MYCBP2: variants seen among roughly 807,000 people sequenced by gnomAD.
The protein encoded by MYCBP2 is E3 ubiquitin-protein ligase MYCBP2.
MYCBP2 carries 120 observed loss-of-function variants against 525.3 expected under a neutral mutation model. The observed-to-expected ratio is 0.23, with a 90% confidence interval of 0.20 to 0.27. The LOEUF is 0.27. Ranked by LOEUF, MYCBP2 falls within the 10% of genes least tolerant of loss-of-function variation. MYCBP2 has a pLI of 1.00. For synonymous variants in MYCBP2, 1,894 were observed against 1,955.8 expected (o/e 0.97, Z 0.83); for missense variants, 4,149 against 5,657.1 (o/e 0.73, Z 8.55).
intron 20 of MYCBP2, among the ~76,000 whole-genome samples, chr13:77,222,485 C>T (rs2154293447): frequency 6.6e-6 from 1 of 152,134 alleles, no homozygotes; most frequent in Admixed American, 6.6e-5. Flanking sequence ...CAGGACATTC[C>T]CTTTTGTTGC....
chr13:77,052,591 T>C (rs1381627761), intron 80 of MYCBP2, among the ~76,000 whole-genome samples: 1 of 152,174 alleles, frequency 6.6e-6, no homozygotes, highest in East Asian at 1.9e-4. Flanking sequence ...CAAGTAAATA[T>C]CAACAGAATA....
intron 59 of MYCBP2, among the ~76,000 whole-genome samples, chr13:77,091,013 G>C (rs909554947): frequency 2.0e-5 from 3 of 151,788 alleles, no homozygotes; most frequent in South Asian, 4.2e-4. Context: ...TATTCTTTTC[G>C]TGAGCTCCTT....
At chr13:77,285,418 T>C (rs2076625524) in intron 3 of MYCBP2, among the ~76,000 whole-genome samples, 1 of 152,156 alleles carries the variant, frequency 6.6e-6, no homozygotes, top group African/African-American at 2.4e-5. Context: ...GCATAAGAAA[T>C]TACAATTAGA....
intron 60 of MYCBP2, among the ~76,000 whole-genome samples, chr13:77,089,892 T>C (rs541669893): frequency 6.6e-6 from 1 of 152,248 alleles, no homozygotes; most frequent in African/African-American, 2.4e-5. Flanking sequence ...GAACAATCAC[T>C]GAATGATCTC....
In MYCBP2 at chr13:77,225,542, T is replaced by C; in HGVS notation, c.2750A>G (p.Glu917Gly). 1 of 1,613,592 alleles carries C rather than the reference T, an allele frequency of 6.2e-7. No individual in the cohort carries two copies. The highest frequency in any genetic ancestry group is 8.5e-7 in the Non-Finnish European group (1 of 1,179,666). Reference sequence around the variant, plus strand: ...TTTGCTTGCATCCTTTTCGCCTCTTTCTCCACTTCCATCTGCAAGTGTTAT... The same window carrying C: ...TTTGCTTGCATCCTTTTCGCCTCTTCCTCCACTTCCATCTGCAAGTGTTAT... Reference protein sequence around the residue: ...KRDKHKDGSGERGEKDASKIT... With the variant: ...KRDKHKDGSGGRGEKDASKIT... The change falls in exon 19 of 83, where the codon GAA (glutamate) becomes GGA (glycine). Residue 917 changes from glutamate (E) to glycine (G), a missense_variant. Transcript: ENST00000544440.
intron 39 of MYCBP2, 105 bp downstream of exon 39, chr13:77,169,509 C>T (rs2058924753): frequency 1.2e-6 from 1 of 843,902 alleles, no homozygotes; most frequent in Middle Eastern, 3.3e-4. Flanking sequence ...ACCTATATCC[C>T]AGATGCCTCA....
At chr13:77,211,127 A>G (rs768276143) in intron 23 of MYCBP2, 40 bp downstream of exon 23, 1 of 1,379,976 alleles carries the variant, frequency 7.2e-7, no homozygotes. Context: ...GTATAACTGC[A>G]TCAAAACTTA....
At position 77,098,026 on chromosome 13, in the gene MYCBP2, C is replaced by G. The variant is rs1242864230; in HGVS notation, c.9128G>C (p.Gly3043Ala). ...AVFASFLWHE[G>A]IVHDAMACSS... is the part of the protein sequence containing the mutation. Reference sequence around the variant, plus strand: ...ACAAGCCATTGCATCATGTACTATGCCTTCATGCCAGAGGAAGGAAGCAAA... The same window carrying G: ...ACAAGCCATTGCATCATGTACTATGGCTTCATGCCAGAGGAAGGAAGCAAA... The change falls in exon 56 of 83, where the codon GGC (glycine) becomes GCC (alanine). Residue 3043 changes from glycine to alanine, a missense_variant. Transcript: ENST00000544440. 2 of 1,613,534 alleles carry G rather than the reference C, an allele frequency of 1.2e-6. No homozygotes were observed. The highest frequency in any genetic ancestry group is 1.3e-5 in the African/African-American group (1 of 74,894).
At chr13:77,276,507 A>G (rs2075605014) in intron 4 of MYCBP2, among the ~76,000 whole-genome samples, 1 of 152,208 alleles carries the variant, frequency 6.6e-6, no homozygotes, top group Non-Finnish European at 1.5e-5. Flanking sequence ...CCTTACATAG[A>G]AAAATAAGCC....
intron 55 of MYCBP2, among the ~76,000 whole-genome samples, chr13:77,113,923 C>T (rs1213228960): frequency 1.3e-5 from 2 of 152,054 alleles, no homozygotes; most frequent in Non-Finnish European, 2.9e-5. Flanking sequence ...ATATGTGAAC[C>T]AATGCTGACT....
intron 46 of MYCBP2, among the ~76,000 whole-genome samples, chr13:77,153,030 A>C (rs1405386474): frequency 7.2e-6 from 1 of 138,564 alleles, no homozygotes; most frequent in Non-Finnish European, 1.5e-5. Context: ...GTGCCACTGT[A>C]CTCCAGCCTG....
At chr13:77,319,759 C>T (rs1456735511) in intron 1 of MYCBP2, among the ~76,000 whole-genome samples, 1 of 152,176 alleles carries the variant, frequency 6.6e-6, no homozygotes, top group Non-Finnish European at 1.5e-5. Flanking sequence ...GCATGCCAAG[C>T]GTTATCAGTA....
chr13:77,129,306 A>C, intron 52 of MYCBP2: 1 of 394,438 alleles, frequency 2.5e-6, no homozygotes, highest in Non-Finnish European at 4.5e-6. Flanking sequence ...AGATGCGTGC[A>C]CAGTAACAAC....
In MYCBP2 at chr13:77,212,089, A is replaced by C; in HGVS notation, c.3129T>G (p.Ile1043Met). Residue 1043 changes from isoleucine (I) to methionine (M), a missense_variant, in exon 22 of 83, where the codon ATT (isoleucine) becomes ATG (methionine). By Grantham distance (10) the Ile-to-Met change is conservative. Coordinates refer to ENST00000544440, the MANE Select transcript of MYCBP2 (RefSeq NM_015057.5). ...WNAKPAPMPNIGSKYGRKATW... is the reference protein window; with the variant it reads ...WNAKPAPMPNMGSKYGRKATW... ...TAGCTTTTCTTCCATATTTTGATCC[A>C]ATGTTAGGCATGGGAGCTGGCTTTG... is the stretch of plus-strand genomic sequence containing the variant. 6.2e-7 allele frequency: 1 copy of C among 1,614,118 alleles called. No individual in the cohort carries two copies. The highest frequency in any genetic ancestry group is 8.5e-7 in the Non-Finnish European group (1 of 1,179,988).
rs751129260 is a variant in MYCBP2, at chr13:77,090,296, C to T, written c.10368-33G>A. 8 of 1,542,272 alleles carry T rather than the reference C, an allele frequency of 5.2e-6. No individual in the cohort carries two copies. The East Asian group carries it at 1.6e-4, about 32-fold the overall frequency. On this transcript the variant is annotated intron_variant, in intron 59 of 82. Coordinates refer to ENST00000544440, the MANE Select transcript of MYCBP2 (RefSeq NM_015057.5). ...TGGAACAATGCAACAGATACAAACT[C>T]AGAAGAGCTGAATGAAATGTAACTA...
In MYCBP2 at chr13:77,210,252, G is replaced by T. The variant is rs191367340; in HGVS notation, c.3416+915C>A. ...GTCTCGCCCAGGCTGGAGTGCAGTG[G>T]TGCGATCTCGGCTCACTGCAAATTC... On this transcript the variant is annotated intron_variant, in intron 23 of 82. Coordinates refer to ENST00000544440, the MANE Select transcript of MYCBP2 (RefSeq NM_015057.5). Among the ~76,000 whole-genome samples, 47 of 150,938 alleles carry T rather than the reference G, an allele frequency of 3.1e-4. No homozygotes were observed. In the East Asian group the frequency reaches 7.6e-3, roughly 24 times the overall value.
intron 36 of MYCBP2, among the ~76,000 whole-genome samples, chr13:77,175,125 T>A (rs2059572609): frequency 6.7e-6 from 1 of 149,382 alleles, no homozygotes; most frequent in African/African-American, 2.5e-5. Flanking sequence ...AGAGATAAGG[T>A]CTGACTATAT....
intron 5 of MYCBP2, among the ~76,000 whole-genome samples, chr13:77,270,839 A>G (rs1462447698): frequency 6.6e-6 from 1 of 152,040 alleles, no homozygotes. Context: ...ATTGTATTAC[A>G]TTAGATTTTG....
chr13:77,275,286 T>C (rs2154348357), intron 4 of MYCBP2, among the ~76,000 whole-genome samples: 1 of 152,342 alleles, frequency 6.6e-6, no homozygotes, highest in African/African-American at 2.4e-5. Context: ...AGCCCACTAA[T>C]CAAATTCTTT....
Sources: allele counts gnomAD v4.1 joint callset (sites outside exome capture counted in the v4.1 genomes callset), GRCh38; gene constraint gnomAD v4.1.1; transcripts MANE v1.5; gene names NCBI Gene and HGNC (gene_info 2026-07-23, HGNC 2026-07-21).